The following DLGAP4 variants were observed in gnomAD, a reference collection of about 807,000 sequenced individuals.
DLGAP4 encodes the protein DLG associated protein 4.
A neutral mutation model predicts 86.9 loss-of-function variants in DLGAP4; 18 were observed. That is an observed-to-expected ratio of 0.21 (90% CI 0.14 to 0.31). The LOEUF (loss-of-function observed/expected upper bound fraction) is 0.31, where lower values mean the gene tolerates loss of function less well. Among genes scored for constraint, DLGAP4 ranks in the 10% least tolerant of loss-of-function variants. DLGAP4 has a pLI of 1.00. For synonymous variants in DLGAP4, 548 were observed against 574.3 expected (o/e 0.95, Z 0.65); for missense variants, 1,085 against 1,362.6 (o/e 0.80, Z 3.21).
Position 36,402,768 on chromosome 20 carries a change from A to G in DLGAP4, c.-72-28878A>G, listed in dbSNP as rs1370015984. On this transcript the variant is annotated intron_variant, in intron 2 of 12. Transcript: ENST00000339266. ...AAAAAAAAATTTTTTTTTATTAAAT[A>G]CAGTAATTCATTTACTCCTCCTAGT... Among the ~76,000 whole-genome samples, 3 of 152,112 alleles carry G rather than the reference A, an allele frequency of 2.0e-5. No individual in the cohort carries two copies. The East Asian group carries it at 5.8e-4, about 29-fold the overall frequency.
At chr20:36,325,822 A>G (rs1429909020) in intron 1 of DLGAP4, among the ~76,000 whole-genome samples, 1 of 151,308 alleles carries the variant, frequency 6.6e-6, no homozygotes, top group Non-Finnish European at 1.5e-5. Context: ...GGTTCAAGCG[A>G]TTCTCTTGAC....
chr20:36,405,247 G>A (rs889303771), intron 2 of DLGAP4, among the ~76,000 whole-genome samples: 4 of 152,148 alleles, frequency 2.6e-5, no homozygotes, highest in African/African-American at 2.4e-5. Context: ...GGATTTAAAC[G>A]GCCTGGGTTC....
chr20:36,504,990 CTT>C (rs757067668), intron 10 of DLGAP4, among the ~76,000 whole-genome samples: 15 of 140,150 alleles, frequency 1.1e-4, no homozygotes, highest in Admixed American at 1.4e-4. Flanking sequence ...CACACAGGTT[CTT>C]TTTTTTTTTT....
intron 2 of DLGAP4, among the ~76,000 whole-genome samples, chr20:36,423,455 CAAAA>C (rs11434258): frequency 4.9e-4 from 8 of 16,338 alleles, no homozygotes; most frequent in South Asian, 2.9e-3. Context: ...GACTCCGTCT[CAAAA>C]AAAAAAAAAA....
intron 1 of DLGAP4, among the ~76,000 whole-genome samples, chr20:36,327,643 G>A (rs1220498824): frequency 6.1e-4 from 87 of 143,732 alleles, no homozygotes; most frequent in African/African-American, 2.1e-3. Flanking sequence ...CCAGGCTGGA[G>A]TGCAGTGGCG....
At chr20:36,462,490 CT>C in intron 7 of DLGAP4, 1 of 1,590,776 alleles carries the variant, frequency 6.3e-7, no homozygotes, top group Non-Finnish European at 8.5e-7. Flanking sequence ...CCTGTCTCCC[CT>C]TCTCTCTGCT....
chr20:36,387,390 T>C (rs998930206), intron 2 of DLGAP4, among the ~76,000 whole-genome samples: 2 of 152,200 alleles, frequency 1.3e-5, no homozygotes, highest in Admixed American at 1.3e-4. Flanking sequence ...TGTAAAGAGG[T>C]TTATATATGT....
intron 1 of DLGAP4, among the ~76,000 whole-genome samples, chr20:36,332,540 C>T (rs1464200271): frequency 6.6e-6 from 1 of 152,102 alleles, no homozygotes. Flanking sequence ...CAGGCGCCCG[C>T]CACTGCACCC....
At chr20:36,464,674 AC>A (rs2147631186) in intron 7 of DLGAP4, among the ~76,000 whole-genome samples, 1 of 151,456 alleles carries the variant, frequency 6.6e-6, no homozygotes, top group East Asian at 1.9e-4. Flanking sequence ...ACATGGTGAA[AC>A]CCCGTCTCTA....
intron 1 of DLGAP4, among the ~76,000 whole-genome samples, chr20:36,334,848 C>T (rs946809353): frequency 2.0e-5 from 3 of 152,100 alleles, no homozygotes; most frequent in Admixed American, 6.5e-5. Flanking sequence ...CCCTTTCCCC[C>T]AGTCCTGCCT....
At chr20:36,497,382 C>T in intron 8 of DLGAP4, 1 of 1,199,878 alleles carries the variant, frequency 8.3e-7, no homozygotes, top group Non-Finnish European at 1.0e-6. Context: ...TCTGTCCACT[C>T]CACCCTTTGC....
At chr20:36,460,391 T>C (rs752458956) in intron 7 of DLGAP4, among the ~76,000 whole-genome samples, 1 of 152,252 alleles carries the variant, frequency 6.6e-6, no homozygotes, top group African/African-American at 2.4e-5. Context: ...GCACAGTGCC[T>C]GGATTCAAAA....
chr20:36,496,651 G>C, intron 7 of DLGAP4, 54 bp from the exon 8 acceptor site: 1 of 1,556,484 alleles, frequency 6.4e-7, no homozygotes, highest in African/African-American at 1.3e-5. Flanking sequence ...GCTTGAGAGG[G>C]TTGGGGGCTT....
chr20:36,341,852 G>A (rs2065386009), intron 1 of DLGAP4, among the ~76,000 whole-genome samples: 1 of 152,210 alleles, frequency 6.6e-6, no homozygotes, highest in Non-Finnish European at 1.5e-5. Flanking sequence ...ATGCTGCTGG[G>A]GCGCCGTCCC....
intron 2 of DLGAP4, among the ~76,000 whole-genome samples, chr20:36,372,869 G>T (rs146089425): frequency 1.3e-5 from 2 of 152,132 alleles, no homozygotes; most frequent in Non-Finnish European, 1.5e-5. Flanking sequence ...TGTCCATGGC[G>T]CATTGTTGGG....
intron 2 of DLGAP4, among the ~76,000 whole-genome samples, chr20:36,388,710 T>A (rs1445602844): frequency 2.6e-5 from 4 of 152,184 alleles, no homozygotes; most frequent in Admixed American, 2.0e-4. Context: ...ACCCTCTACC[T>A]CAGAGGGTTG....
chr20:36,319,841 C>T (rs1555890347), intron 1 of DLGAP4, among the ~76,000 whole-genome samples: 1 of 152,134 alleles, frequency 6.6e-6, no homozygotes, highest in African/African-American at 2.4e-5. Context: ...CCTCACCACC[C>T]CAGGCCTCTG....
intron 7 of DLGAP4, among the ~76,000 whole-genome samples, chr20:36,459,939 A>C (rs2033980079): frequency 6.6e-6 from 1 of 152,118 alleles, no homozygotes; most frequent in Non-Finnish European, 1.5e-5. Flanking sequence ...GCCCCCAGTG[A>C]TCTCTCTTCA....
chr20:36,458,086 C>T (rs1342795994), intron 7 of DLGAP4, among the ~76,000 whole-genome samples: 2 of 151,758 alleles, frequency 1.3e-5, no homozygotes, highest in African/African-American at 2.4e-5. Context: ...AGGTGAGGTT[C>T]GAGGACAGGG....
Sources: gnomAD v4.1 joint callset for allele counts (sites outside exome capture counted in the v4.1 genomes callset) on GRCh38, gnomAD v4.1.1 for gene constraint, MANE v1.5 for transcripts, NCBI Gene and HGNC (gene_info 2026-07-23, HGNC 2026-07-21) for gene names.